The following HAS2 variants were observed in gnomAD, a reference collection of about 807,000 sequenced individuals.
The protein encoded by HAS2 is hyaluronan synthase 2.
Under a neutral mutation model 51.6 loss-of-function variants are expected in HAS2, and 16 were observed. The ratio of observed to expected loss-of-function variants is 0.31; its 90% CI spans 0.21 to 0.47. The LOEUF is 0.47. Among genes scored for constraint, HAS2 ranks in the 20% least tolerant of loss-of-function variants. The pLI is 1.00. For synonymous variants in HAS2, 228 were observed against 235.5 expected (o/e 0.97, Z 0.29); for missense variants, 361 against 662.6 (o/e 0.54, Z 5.00).
intron 2 of HAS2, among the ~76,000 whole-genome samples, chr8:121,628,417 C>T (rs1213078861): frequency 6.6e-6 from 1 of 151,968 alleles, no homozygotes; most frequent in Non-Finnish European, 1.5e-5. Context: ...ACCAAGGGGG[C>T]AGAGAAGGTA....
intron 2 of HAS2, among the ~76,000 whole-genome samples, chr8:121,624,750 G>A (rs1812818350): frequency 6.6e-6 from 1 of 152,156 alleles, no homozygotes; most frequent in Admixed American, 6.5e-5. Context: ...TGGTGGCCAC[G>A]TGAGTGGTAA....
At position 121,614,770 on chromosome 8, in the gene HAS2, C is replaced by G. The variant is rs1228094693; in HGVS notation, c.998G>C (p.Arg333Pro). ...SLGYATKYTARSKCLTETPIE... is the reference protein window; with the variant it reads ...SLGYATKYTAPSKCLTETPIE... ...AGGTGTTTCAGTAAGGCACTTAGAT[C>G]GAGCTGTGTATTTTGTTGCATAGCC... The change falls in exon 4 of 4, where the codon CGA becomes CCA. Residue 333 changes from arginine to proline, a missense_variant. By Grantham distance (103) the Arg-to-Pro change is moderately radical. Coordinates refer to ENST00000303924, the MANE Select transcript of HAS2 (RefSeq NM_005328.3). This position sits in a 1 kb window ranked among gnomAD's most constrained non-coding sequence, Gnocchi z 7.2. 6.2e-7 allele frequency: 1 copy of G among 1,614,188 alleles called. No homozygotes were observed. The highest frequency in any genetic ancestry group is 2.2e-5 in the East Asian group (1 of 44,880).
intron 1 of HAS2, among the ~76,000 whole-genome samples, chr8:121,631,313 G>A (rs926237189): frequency 1.1e-4 from 17 of 152,154 alleles, no homozygotes; most frequent in African/African-American, 3.6e-4. Context: ...ATAATGCAAA[G>A]TGCCCTGGAC....
chr8:121,622,157 G>T (rs1039410667), intron 2 of HAS2, among the ~76,000 whole-genome samples: 1 of 151,912 alleles, frequency 6.6e-6, no homozygotes. Flanking sequence ...TAGAAATTCT[G>T]CATCACCCCC....
intron 2 of HAS2, among the ~76,000 whole-genome samples, chr8:121,619,105 T>C (rs1202078396): frequency 6.6e-6 from 1 of 151,946 alleles, no homozygotes; most frequent in African/African-American, 2.4e-5. Flanking sequence ...CTGGGTGCAG[T>C]GGCTAACACC....
chr8:121,629,322 GA>G lies in HAS2; in HGVS notation c.18del (p.Leu7TyrfsTer4). 6.2e-7 allele frequency: 1 copy of G among 1,609,970 alleles called. No individual in the cohort carries two copies. The highest frequency in any genetic ancestry group is 8.5e-7 in the Non-Finnish European group (1 of 1,177,386). On this transcript the variant is annotated frameshift_variant, in exon 2 of 4. Transcript: ENST00000303924. LOFTEE classifies it high-confidence loss of function. ...GTTCCAATTATTCTCAGGATACATA[GA>G]AACCTCTCACAATGCATCTGTAATA... The part of the protein sequence containing the change: MHCER[F>X]LCILRIIGTT...
intron 2 of HAS2, among the ~76,000 whole-genome samples, chr8:121,626,945 C>T (rs976359239): frequency 6.6e-6 from 1 of 152,144 alleles, no homozygotes; most frequent in African/African-American, 2.4e-5. Flanking sequence ...CTGATTAGGG[C>T]TCTAGCAGGA....
At chr8:121,637,525 G>A (rs1030342445) in intron 1 of HAS2, among the ~76,000 whole-genome samples, 2 of 151,716 alleles carry the variant, frequency 1.3e-5, no homozygotes, top group South Asian at 4.2e-4. Flanking sequence ...CCAGTAGCTG[G>A]GATTACAGGT....
At chr8:121,627,786 A>G (rs4474031) in intron 2 of HAS2, among the ~76,000 whole-genome samples, 45,624 of 151,990 alleles carry the variant, frequency 0.3, 7,178 homozygotes, top group Middle Eastern at 0.39. Context: ...AATAGGATGC[A>G]TCTTCTAAAA....
At chr8:121,620,049 TGAGA>T (rs1261522229) in intron 2 of HAS2, among the ~76,000 whole-genome samples, 2 of 152,158 alleles carry the variant, frequency 1.3e-5, no homozygotes, top group South Asian at 2.1e-4. Flanking sequence ...AGAAGTTCTC[TGAGA>T]GAGATTGTTC....
chr8:121,616,525 C>T (rs1267681071), intron 3 of HAS2, among the ~76,000 whole-genome samples: 1 of 151,756 alleles, frequency 6.6e-6, no homozygotes, highest in Non-Finnish European at 1.5e-5. Flanking sequence ...CAACCTCCAC[C>T]TCCCAGGTCC....
At position 121,613,889 on chromosome 8, in the gene HAS2, T is replaced by C. The variant is rs986081107; in HGVS notation, c.*220A>G. On this transcript the variant is annotated 3_prime_UTR_variant, in exon 4 of 4. Transcript: ENST00000303924. ...AAAAAGTGCATAAACAAAGAATTCA[T>C]CCCATTTTCATAGAAATAACAGGTT... 1.5e-6 allele frequency: 1 copy of C among 661,296 alleles called. No individual in the cohort carries two copies. Among genetic ancestry groups the C allele is most frequent in the South Asian group, 1.9e-5 (1 of 51,314 alleles). The allele number at this position is 661,296 out of a possible 1,614,324, so 41.0% of individuals were successfully genotyped here.
chr8:121,625,402 A>G (rs553981679), intron 2 of HAS2, among the ~76,000 whole-genome samples: 5 of 152,132 alleles, frequency 3.3e-5, no homozygotes, highest in Admixed American at 6.5e-5. Flanking sequence ...ACATTAAGCC[A>G]TACTCAGAAC....
intron 2 of HAS2, among the ~76,000 whole-genome samples, chr8:121,625,338 TA>T (rs1258594517): frequency 1.3e-5 from 2 of 152,106 alleles, no homozygotes; most frequent in East Asian, 3.8e-4. Flanking sequence ...GTTACTTTTG[TA>T]AATAAAAAAG....
intron 2 of HAS2, among the ~76,000 whole-genome samples, chr8:121,627,722 C>T (rs1023619144): frequency 5.9e-5 from 9 of 152,078 alleles, no homozygotes; most frequent in African/African-American, 1.7e-4. Context: ...CCATTCCTAT[C>T]TCACTACTTG....
At position 121,641,340 on chromosome 8, in the gene HAS2, T is replaced by A. The variant is rs1266562577; in HGVS notation, c.-488A>T. On this transcript the variant is annotated 5_prime_UTR_variant, in exon 1 of 4. Transcript: ENST00000303924. Reference sequence around the variant, plus strand: ...GGGCTGTTTCAAGTCTCTGGTTCAATGGGCTGCTCGAAGCCAGGACTGGGT... The same window carrying A: ...GGGCTGTTTCAAGTCTCTGGTTCAAAGGGCTGCTCGAAGCCAGGACTGGGT... 1 of 150,654 alleles carries A rather than the reference T, an allele frequency of 6.6e-6. No homozygotes were observed. The highest frequency in any genetic ancestry group is 2.0e-4 in the East Asian group (1 of 5,068). The allele number at this position is 150,654 out of a possible 1,614,324, so 9.3% of individuals were successfully genotyped here.
intron 1 of HAS2, among the ~76,000 whole-genome samples, chr8:121,637,144 T>A (rs2130453936): frequency 6.6e-6 from 1 of 152,312 alleles, no homozygotes; most frequent in South Asian, 2.1e-4. Flanking sequence ...ATGGGCCAGA[T>A]CATATTTTGT....
In HAS2 at chr8:121,628,669, T is replaced by G. The variant is rs755138956; in HGVS notation, c.627+45A>C. The G allele has an allele frequency of 1.1e-5, 17 of 1,577,536 alleles. No homozygotes were observed. The Admixed American group carries it at 2.8e-4, about 26-fold the overall frequency. Reference sequence around the variant, plus strand: ...ATGACTGGACAGATACAAAAGCGGCTTTATTTAAATGTATGTTTGCCCTGG... The same window carrying G: ...ATGACTGGACAGATACAAAAGCGGCGTTATTTAAATGTATGTTTGCCCTGG... On this transcript the variant is annotated intron_variant, in intron 2 of 3. Coordinates refer to ENST00000303924, the MANE Select transcript of HAS2 (RefSeq NM_005328.3).
Position 121,613,977 on chromosome 8 carries a change from TAAA to T in HAS2, c.*129_*131del. On this transcript the variant is annotated 3_prime_UTR_variant, in exon 4 of 4. Coordinates refer to ENST00000303924, the MANE Select transcript of HAS2 (RefSeq NM_005328.3). ...TTGGCAGAATGAAAATAAACCCATATAAATGTCTTTGTTCAAGTCCCAGCAGCA... is the reference window on the plus strand; with the variant it reads ...TTGGCAGAATGAAAATAAACCCATATTGTCTTTGTTCAAGTCCCAGCAGCA... 2.2e-6 allele frequency: 3 copies of T among 1,364,508 alleles called. No individual in the cohort carries two copies. The highest frequency in any genetic ancestry group is 3.1e-6 in the Non-Finnish European group (3 of 981,312). The allele number at this position is 1,364,508 out of a possible 1,614,324, so 84.5% of individuals were successfully genotyped here. A position where few individuals can be genotyped will look rare whatever the true frequency, so the allele number is the denominator to read the frequency against.
Sources: allele counts gnomAD v4.1 joint callset (sites outside exome capture counted in the v4.1 genomes callset), GRCh38; gene constraint gnomAD v4.1.1; non-coding constraint Gnocchi (gnomAD v3.1); transcripts MANE v1.5; gene names NCBI Gene and HGNC (gene_info 2026-07-23, HGNC 2026-07-21).